The following CSMD1 variants were observed in gnomAD, a reference collection of about 807,000 sequenced individuals.
CSMD1 encodes the protein CUB and Sushi multiple domains 1, also known as CUB and sushi domain-containing protein 1.
Under a neutral mutation model 417.5 loss-of-function variants are expected in CSMD1, and 213 were observed. That is an observed-to-expected ratio of 0.51 (90% CI 0.46 to 0.57). CSMD1 has a LOEUF of 0.57. CSMD1 is among the 20% of genes least tolerant of loss of function. The pLI, the probability that CSMD1 is intolerant of heterozygous loss-of-function variation, is 0.00. For missense variants in CSMD1, 6,923 were observed against 4,529.7 expected (o/e 1.53, Z -15.17); for synonymous variants, 2,862 against 1,736.8 (o/e 1.65, Z -16.11).
intron 5 of CSMD1, among the ~76,000 whole-genome samples, chr8:3,947,744 T>C (rs1325803762): frequency 2.6e-5 from 4 of 152,186 alleles, no homozygotes; most frequent in African/African-American, 9.6e-5. Context: ...ATATAGTTTA[T>C]CTTAGTGAAT....
chr8:4,371,413 CAAGT>C (rs770228007), intron 3 of CSMD1, among the ~76,000 whole-genome samples: 1 of 152,114 alleles, frequency 6.6e-6, no homozygotes, highest in Non-Finnish European at 1.5e-5. Context: ...CTGTTTAATT[CAAGT>C]AAGCATTAGG....
intron 12 of CSMD1, among the ~76,000 whole-genome samples, chr8:3,443,655 A>C (rs974699852): frequency 3.3e-5 from 5 of 152,198 alleles, no homozygotes; most frequent in African/African-American, 4.8e-5. Context: ...AAAGTATGCA[A>C]ATCTTTGTAT....
At chr8:4,914,582 A>G (rs76014809) in intron 1 of CSMD1, among the ~76,000 whole-genome samples, 1 of 54,248 alleles carries the variant, frequency 1.8e-5, no homozygotes, top group Non-Finnish European at 3.8e-5. Flanking sequence ...TCTCCCAAAA[A>G]GAAAAAAAAA....
intron 44 of CSMD1, among the ~76,000 whole-genome samples, chr8:3,108,278 T>C (rs187828584): frequency 8.5e-4 from 130 of 152,342 alleles, no homozygotes; most frequent in African/African-American, 2.9e-3. Context: ...TATAGTTACA[T>C]GACATTTGCT....
At position 3,575,080 on chromosome 8, in the gene CSMD1, G is replaced by GA. The variant is rs1800094751; in HGVS notation, c.1223-15dup. Reference sequence around the variant, plus strand: ...CACATGTTCTCGCTGGAAACACATAGAAACGACGTTATTTTCTACAACATT... The same window carrying GA: ...CACATGTTCTCGCTGGAAACACATAGAAAACGACGTTATTTTCTACAACATT... On this transcript the variant is annotated splice_polypyrimidine_tract_variant and intron_variant, in intron 9 of 69. Transcript: ENST00000635120. 1 of 1,605,152 alleles carries GA rather than the reference G, an allele frequency of 6.2e-7. No homozygotes were observed. The highest frequency in any genetic ancestry group is 8.5e-7 in the Non-Finnish European group (1 of 1,175,300).
intron 11 of CSMD1, among the ~76,000 whole-genome samples, chr8:3,485,315 A>G (rs1472528047): frequency 6.6e-6 from 1 of 152,154 alleles, no homozygotes; most frequent in Non-Finnish European, 1.5e-5. Flanking sequence ...CGTGCTTCTA[A>G]TTATATAACA....
At chr8:3,573,368 A>G (rs561913114) in intron 10 of CSMD1, among the ~76,000 whole-genome samples, 5 of 152,312 alleles carry the variant, frequency 3.3e-5, no homozygotes, top group African/African-American at 1.2e-4. Context: ...AGCATATAGA[A>G]AAAACAAGGT....
chr8:3,560,713 T>C (rs986561041), intron 10 of CSMD1, among the ~76,000 whole-genome samples: 3 of 152,226 alleles, frequency 2.0e-5, no homozygotes, highest in Non-Finnish European at 4.4e-5. Flanking sequence ...CTTTTTGACA[T>C]AAATTAGTGG....
At chr8:4,071,158 T>G (rs1799535620) in intron 3 of CSMD1, among the ~76,000 whole-genome samples, 1 of 152,106 alleles carries the variant, frequency 6.6e-6, no homozygotes, top group Non-Finnish European at 1.5e-5. Flanking sequence ...TGTCATCCAT[T>G]AGTACATTAA....
chr8:3,706,313 C>T (rs1469400175), intron 7 of CSMD1, among the ~76,000 whole-genome samples: 1 of 152,212 alleles, frequency 6.6e-6, no homozygotes, highest in East Asian at 1.9e-4. Context: ...TATACTTGCA[C>T]AGCTATTGAA....
intron 1 of CSMD1, among the ~76,000 whole-genome samples, chr8:4,850,516 C>T (rs1300571904): frequency 2.0e-5 from 3 of 149,466 alleles, no homozygotes; most frequent in Non-Finnish European, 4.4e-5. Flanking sequence ...TTTCCAAAAT[C>T]TTCCATTTCC....
chr8:4,625,891 T>C (rs1028265377), intron 2 of CSMD1, among the ~76,000 whole-genome samples: 2 of 152,106 alleles, frequency 1.3e-5, no homozygotes, highest in African/African-American at 2.4e-5. Flanking sequence ...GCCTGGCTAA[T>C]TGTTGTATTT....
At chr8:3,773,614 T>G (rs1346882886) in intron 5 of CSMD1, among the ~76,000 whole-genome samples, 1 of 152,174 alleles carries the variant, frequency 6.6e-6, no homozygotes, top group African/African-American at 2.4e-5. Context: ...GAAGACAAAG[T>G]AAGTCCAGTG....
intron 2 of CSMD1, among the ~76,000 whole-genome samples, chr8:4,521,065 A>T: frequency 6.6e-6 from 1 of 152,192 alleles, no homozygotes; most frequent in East Asian, 1.9e-4. Context: ...TTTATGAAAG[A>T]TATTAAAGAG....
chr8:4,182,237 A>G (rs1388742673), intron 3 of CSMD1, among the ~76,000 whole-genome samples: 1 of 152,122 alleles, frequency 6.6e-6, no homozygotes, highest in Non-Finnish European at 1.5e-5. Flanking sequence ...GATACATAAG[A>G]AAAAAACGGA....
At chr8:3,108,880 G>C (rs547647502) in intron 43 of CSMD1, 132 bp from the exon 44 acceptor site, 2 of 882,088 alleles carry the variant, frequency 2.3e-6, no homozygotes, top group East Asian at 2.7e-5. Flanking sequence ...TACTGTGTTT[G>C]TAAACATCAA....
intron 28 of CSMD1, among the ~76,000 whole-genome samples, chr8:3,221,386 G>T (rs1015718323): frequency 6.6e-6 from 1 of 152,168 alleles, no homozygotes. Context: ...GGGTTACGTA[G>T]AATTTTATTG....
chr8:3,209,492 T>G (rs1199628356), intron 30 of CSMD1, among the ~76,000 whole-genome samples: 1 of 151,984 alleles, frequency 6.6e-6, no homozygotes, highest in East Asian at 1.9e-4. Flanking sequence ...AATTTTTTTG[T>G]AATTTTTTAG....
chr8:3,497,015 T>C (rs116151013), intron 10 of CSMD1, among the ~76,000 whole-genome samples: 2,170 of 152,308 alleles, frequency 0.014, 54 homozygotes, highest in African/African-American at 0.049. Context: ...CTTGATATGA[T>C]TTAGATTTTT....
Sources: gnomAD v4.1 joint callset for allele counts (sites outside exome capture counted in the v4.1 genomes callset) on GRCh38, gnomAD v4.1.1 for gene constraint, MANE v1.5 for transcripts, NCBI Gene and HGNC (gene_info 2026-07-23, HGNC 2026-07-21) for gene names.